CASD1: variants seen among roughly 807,000 people sequenced by gnomAD.
CASD1 encodes the protein CAS1 domain sialic acid O acetyltransferase 1.
CASD1 carries 41 observed loss-of-function variants against 100.0 expected under a neutral mutation model. The ratio of observed to expected loss-of-function variants is 0.41; its 90% confidence interval spans 0.32 to 0.53. The LOEUF (loss-of-function observed/expected upper bound fraction) is 0.53, where lower values mean the gene tolerates loss of function less well. Ranked by LOEUF, CASD1 falls within the 20% of genes least tolerant of loss-of-function variation. The probability of loss-of-function intolerance (pLI) is 0.25; values close to 1 mark genes in which losing one functional copy is unlikely to be tolerated. For missense variants in CASD1, 774 were observed against 948.7 expected, an observed-to-expected ratio of 0.82 and a Z score of 2.42; for synonymous variants, 321 against 315.6, an observed-to-expected ratio of 1.02 and a Z score of -0.18.
the CASD1 span, chr7:94,618,660 G>A: frequency 5.0e-6 from 5 of 997,208 alleles, no homozygotes; most frequent in Admixed American, 2.3e-5. Context: ...TTATTAAAAC[G>A]AAAAATGCAA....
the CASD1 span, chr7:94,628,521 C>T: frequency 6.8e-5 from 39 of 575,678 alleles, no homozygotes; most frequent in East Asian, 9.7e-4. Context: ...TAGGGCACCA[C>T]GTTAAAAAAA....
At chr7:94,576,012 T>A in the CASD1 span, among the ~76,000 whole-genome samples, 1 of 152,192 alleles carries the variant, frequency 6.6e-6, no homozygotes, top group African/African-American at 2.4e-5. Flanking sequence ...ATGCGTAATG[T>A]TTTTCATAAA....
chr7:94,619,073 T>C, the CASD1 span: 2 of 750,194 alleles, frequency 2.7e-6, no homozygotes, highest in Non-Finnish European at 4.7e-6. Flanking sequence ...CAGGAAGCAA[T>C]ATTAATACTG....
intron 10 of CASD1, among the ~76,000 whole-genome samples, chr7:94,541,222 G>A (rs1795376419): frequency 6.6e-6 from 1 of 151,704 alleles, no homozygotes; most frequent in African/African-American, 2.4e-5. Flanking sequence ...ACATATTTGG[G>A]GACTTGATTC....
the CASD1 span, among the ~76,000 whole-genome samples, chr7:94,563,670 C>T: frequency 6.6e-6 from 1 of 151,776 alleles, no homozygotes; most frequent in African/African-American, 2.4e-5. Context: ...CTCATTTAGC[C>T]CCCCTCCCCC....
chr7:94,586,061 G>GAAAAAAAAAAAAAAAAAAAAAAA, the CASD1 span, among the ~76,000 whole-genome samples: 6 of 28,910 alleles, frequency 2.1e-4, 1 homozygote, highest in Non-Finnish European at 2.9e-4. Context: ...GGAACTAAAT[G>GAAAAAAAAAAAAAAAAAAAAAAA]AAAAAAAAAA....
chr7:94,601,947 G>A, the CASD1 span, among the ~76,000 whole-genome samples: 1 of 151,388 alleles, frequency 6.6e-6, no homozygotes, highest in African/African-American at 2.4e-5. Flanking sequence ...GGCAAGATGT[G>A]GCATAAAAAT....
chr7:94,528,272 G>A (rs896119352), intron 5 of CASD1, 22 bp downstream of exon 5: 1 of 1,453,662 alleles, frequency 6.9e-7, no homozygotes. Flanking sequence ...AAAAACATAG[G>A]CTTTTTTTTT....
the CASD1 span, among the ~76,000 whole-genome samples, chr7:94,566,246 C>A: frequency 6.6e-6 from 1 of 151,998 alleles, no homozygotes; most frequent in Non-Finnish European, 1.5e-5. Context: ...GGAATAGAAT[C>A]ATGTATATGT....
At chr7:94,588,604 G>A in the CASD1 span, 2 of 1,554,526 alleles carry the variant, frequency 1.3e-6, no homozygotes, top group Admixed American at 3.4e-5. Flanking sequence ...TGAAGATAAA[G>A]CTTCATAAAT....
chr7:94,543,328 T>C (rs1014935451), intron 10 of CASD1, among the ~76,000 whole-genome samples: 1 of 152,074 alleles, frequency 6.6e-6, no homozygotes, highest in Admixed American at 6.6e-5. Context: ...TCAATTACTG[T>C]ATTGAGCACC....
the CASD1 span, among the ~76,000 whole-genome samples, chr7:94,575,283 T>G: frequency 6.6e-6 from 1 of 152,236 alleles, no homozygotes; most frequent in Non-Finnish European, 1.5e-5. Flanking sequence ...TTTCTTGATT[T>G]CTGCCTTAAT....
chr7:94,598,019 AG>A, the CASD1 span: 1 of 173,240 alleles, frequency 5.8e-6, no homozygotes, highest in Non-Finnish European at 1.2e-5. Flanking sequence ...AAAAAAAAAA[AG>A]AAAAAAAGAG....
the CASD1 span, among the ~76,000 whole-genome samples, chr7:94,570,746 T>C: frequency 2.0e-5 from 3 of 152,060 alleles, no homozygotes; most frequent in Non-Finnish European, 4.4e-5. Context: ...CCAACCACCT[T>C]GGCCTCCCAA....
At chr7:94,544,990 A>G (rs182068715) in intron 11 of CASD1, among the ~76,000 whole-genome samples, 61 of 152,230 alleles carry the variant, frequency 4.0e-4, no homozygotes, top group Non-Finnish European at 4.7e-4. Flanking sequence ...AATTTGCCCA[A>G]GGTCACATAG....
chr7:94,628,065 G>A, the CASD1 span: 1 of 663,770 alleles, frequency 1.5e-6, no homozygotes, highest in African/African-American at 1.8e-5. Flanking sequence ...TATCTACTGT[G>A]TTTCCATGCA....
chr7:94,542,287 T>A (rs1266769485), intron 10 of CASD1, among the ~76,000 whole-genome samples: 2 of 152,210 alleles, frequency 1.3e-5, no homozygotes, highest in Admixed American at 6.5e-5. Context: ...CTCTCTGCTG[T>A]GCTAGCCACA....
chr7:94,511,312 T>C (rs1793696718), intron 1 of CASD1, among the ~76,000 whole-genome samples: 1 of 152,190 alleles, frequency 6.6e-6, no homozygotes, highest in South Asian at 2.1e-4. Flanking sequence ...TGGCAAAATA[T>C]CCATAAACGG....
At chr7:94,591,388 A>G in the CASD1 span, among the ~76,000 whole-genome samples, 1 of 152,288 alleles carries the variant, frequency 6.6e-6, no homozygotes, top group East Asian at 1.9e-4. Flanking sequence ...ACATAGGCGC[A>G]CACCACACAC....
Sources: gnomAD v4.1 joint callset for allele counts (sites outside exome capture counted in the v4.1 genomes callset) on GRCh38, gnomAD v4.1.1 for gene constraint, MANE v1.5 for transcripts, NCBI Gene and HGNC (gene_info 2026-07-23, HGNC 2026-07-21) for gene names.